GRB14: variants seen among roughly 807,000 people sequenced by gnomAD.
GRB14 encodes the protein growth factor receptor-bound protein 14.
A neutral mutation model predicts 69.1 loss-of-function variants in GRB14; 38 were observed. The observed-to-expected ratio is 0.55, with a 90% CI of 0.42 to 0.72. The LOEUF is 0.72. Ranked by LOEUF, GRB14 falls within the 30% of genes least tolerant of loss-of-function variation. The pLI is 0.00. For synonymous variants in GRB14, 247 were observed against 241.3 expected (o/e 1.02, Z -0.22); for missense variants, 666 against 666.1 (o/e 1.00, Z 0.00).
intron 8 of GRB14, among the ~76,000 whole-genome samples, chr2:164,505,266 A>C (rs553917120): frequency 6.6e-6 from 1 of 152,236 alleles, no homozygotes; most frequent in Admixed American, 6.5e-5. Flanking sequence ...AGAAGGGAAC[A>C]TTATTCCAGA....
intron 6 of GRB14, among the ~76,000 whole-genome samples, chr2:164,512,550 T>C (rs1002171537): frequency 1.3e-5 from 2 of 152,174 alleles, no homozygotes; most frequent in Admixed American, 1.3e-4. Flanking sequence ...CTTGCTGCCC[T>C]GAGGGAAGGA....
chr2:164,596,199 G>A (rs1287476340), intron 2 of GRB14, among the ~76,000 whole-genome samples: 1 of 152,158 alleles, frequency 6.6e-6, no homozygotes. Flanking sequence ...ATATACTGTA[G>A]GCATTCTGCT....
chr2:164,533,448 T>C (rs1210600620), intron 3 of GRB14, among the ~76,000 whole-genome samples: 1 of 151,788 alleles, frequency 6.6e-6, no homozygotes, highest in Non-Finnish European at 1.5e-5. Flanking sequence ...TCTTGATCTC[T>C]TGACCTCGTG....
chr2:164,596,764 C>T (rs1470385407), intron 2 of GRB14, among the ~76,000 whole-genome samples: 1 of 152,130 alleles, frequency 6.6e-6, no homozygotes, highest in Non-Finnish European at 1.5e-5. Context: ...CAGGCTCAAG[C>T]AAACAATAAA....
chr2:164,570,275 TAAAAAAAAAAAA>T (rs35918859), intron 2 of GRB14, among the ~76,000 whole-genome samples: 2 of 57,210 alleles, frequency 3.5e-5, no homozygotes, highest in East Asian at 6.0e-4. Flanking sequence ...AGACTCCATC[TAAAAAAAAAAAA>T]AAAAAAAAAA....
chr2:164,546,584 T>G (rs963045423), intron 3 of GRB14, among the ~76,000 whole-genome samples: 1 of 152,168 alleles, frequency 6.6e-6, no homozygotes, highest in African/African-American at 2.4e-5. Flanking sequence ...TCCACCACGA[T>G]GCCCCTCCCA....
Position 164,577,569 on chromosome 2 carries a change from C to T in GRB14, c.325-29753G>A, listed in dbSNP as rs144532101. On this transcript the variant is annotated intron_variant, in intron 2 of 13. Coordinates refer to ENST00000263915, the MANE Select transcript of GRB14 (RefSeq NM_004490.3). ...TTAAGTTTCCTGAAGCCTCCTCAGC[C>T]ATGCCTCCTGTACAGCCAGTTGAAC... 1.6e-3 allele frequency among the ~76,000 whole-genome samples: 240 copies of T among 152,338 alleles called. 1 individual carries two copies. The highest frequency in any genetic ancestry group is 5.4e-3 in the African/African-American group (226 of 41,586).
At chr2:164,495,205 G>T (rs1224744793) in intron 12 of GRB14, among the ~76,000 whole-genome samples, 1 of 152,064 alleles carries the variant, frequency 6.6e-6, no homozygotes, top group Non-Finnish European at 1.5e-5. Flanking sequence ...GCCTCCCATA[G>T]TGCTGAGATT....
chr2:164,502,503 C>T (rs550851582), intron 8 of GRB14, among the ~76,000 whole-genome samples, 168 bp from the exon 9 acceptor site: 63 of 152,184 alleles, frequency 4.1e-4, no homozygotes, highest in African/African-American at 1.1e-3. Context: ...TGCAACAATA[C>T]ATTTAAAAAG....
intron 13 of GRB14, among the ~76,000 whole-genome samples, chr2:164,494,203 AG>A (rs1468808868): frequency 2.0e-5 from 3 of 152,218 alleles, no homozygotes; most frequent in African/African-American, 7.2e-5. Context: ...CATATTTCAT[AG>A]AAAAAGGAAA....
intron 9 of GRB14, among the ~76,000 whole-genome samples, chr2:164,500,771 T>C (rs959602125): frequency 3.3e-5 from 5 of 152,142 alleles, no homozygotes; most frequent in African/African-American, 1.2e-4. Flanking sequence ...TCTCTTCCTT[T>C]ACCTGGCACT....
At chr2:164,538,070 T>G (rs12464825) in intron 3 of GRB14, among the ~76,000 whole-genome samples, 64,096 of 151,864 alleles carry the variant, frequency 0.42, 16,105 homozygotes, top group Non-Finnish European at 0.56. Context: ...ACTGTCACTG[T>G]GCATCGCTTC....
chr2:164,527,247 A>C (rs1465252957), intron 3 of GRB14, 112 bp from the exon 4 acceptor site: 2 of 254,982 alleles, frequency 7.8e-6, no homozygotes, highest in African/African-American at 4.7e-5. Context: ...ACAAACATAT[A>C]AAATGTATTA....
chr2:164,595,330 C>A (rs1242828328), intron 2 of GRB14, among the ~76,000 whole-genome samples: 1 of 152,082 alleles, frequency 6.6e-6, no homozygotes, highest in Non-Finnish European at 1.5e-5. Flanking sequence ...TGTCTAGTGG[C>A]AGACAAAAGC....
chr2:164,573,694 TAGG>T, intron 2 of GRB14: 1 of 1,600,046 alleles, frequency 6.2e-7, no homozygotes, highest in Non-Finnish European at 8.6e-7. Flanking sequence ...GTTGCCCAGT[TAGG>T]AGCCTCTGAC....
intron 2 of GRB14, among the ~76,000 whole-genome samples, chr2:164,608,823 G>A (rs1690100857): frequency 6.6e-6 from 1 of 152,026 alleles, no homozygotes; most frequent in African/African-American, 2.4e-5. Flanking sequence ...AATGCAAACG[G>A]TACATGCACA....
Position 164,495,957 on chromosome 2 carries a change from A to G in GRB14, c.1382+1051T>C, listed in dbSNP as rs192711198. ...ATAAAGAAAATTACAATCTTTCAAA[A>G]CATTTTAATAATTCTTTGTGACTCA... On this transcript the variant is annotated intron_variant, in intron 12 of 13. Transcript: ENST00000263915. Among the ~76,000 whole-genome samples the G allele has an allele frequency of 1.5e-3, 227 of 152,338 alleles. 1 individual carries two copies. Among genetic ancestry groups the G allele is most frequent in the African/African-American group, 5.3e-3 (221 of 41,584 alleles).
At chr2:164,573,785 T>C in intron 2 of GRB14, 1 of 1,612,478 alleles carries the variant, frequency 6.2e-7, no homozygotes, top group South Asian at 1.1e-5. Flanking sequence ...CATCCACCAG[T>C]GTATCAGCAT....
At chr2:164,603,528 G>A (rs1466054492) in intron 2 of GRB14, among the ~76,000 whole-genome samples, 2 of 151,976 alleles carry the variant, frequency 1.3e-5, no homozygotes, top group Non-Finnish European at 2.9e-5. Context: ...GCTGGGTGTG[G>A]TGGTGGGCAC....
Sources: allele counts gnomAD v4.1 joint callset (sites outside exome capture counted in the v4.1 genomes callset), GRCh38; gene constraint gnomAD v4.1.1; transcripts MANE v1.5; gene names NCBI Gene and HGNC (gene_info 2026-07-23, HGNC 2026-07-21).